The following POGLUT3 variants were observed in gnomAD, a reference collection of about 807,000 sequenced individuals.
The protein encoded by POGLUT3 is protein O-glucosyltransferase 3.
POGLUT3 carries 48 observed loss-of-function variants against 54.3 expected under a neutral mutation model. The ratio of observed to expected loss-of-function variants is 0.88; its 90% confidence interval spans 0.70 to 1.12. POGLUT3 has a LOEUF of 1.12. Among genes scored for constraint, POGLUT3 ranks in the 50% most tolerant of loss-of-function variants. The probability of loss-of-function intolerance (pLI) is 0.00; values close to 1 mark genes in which losing one functional copy is unlikely to be tolerated. For missense variants in POGLUT3, 629 were observed against 618.7 expected (o/e 1.02, Z -0.18); for synonymous variants, 218 against 237.4 (o/e 0.92, Z 0.75).
At position 108,474,726 on chromosome 11, in the gene POGLUT3, TAGTCCACTTGGTGC is replaced by T; in HGVS notation, c.*87_*100del. 2.9e-6 allele frequency: 4 copies of T among 1,367,856 alleles called. No individual in the cohort carries two copies. Among genetic ancestry groups the T allele is most frequent in the Non-Finnish European group, 4.0e-6 (4 of 990,030 alleles). The allele number at this position is 1,367,856 out of a possible 1,614,324, so 84.7% of individuals were successfully genotyped here. ...ACATATATAAAGCCACCGGGAGAAC[TAGTCCACTTGGTGC>T]AGTCTTCTATACTGTCCTTCACAGC... On this transcript the variant is annotated 3_prime_UTR_variant, in exon 8 of 8. Transcript: ENST00000323468.
chr11:108,476,604 A>G (rs1033312572), intron 7 of POGLUT3, among the ~76,000 whole-genome samples: 1 of 152,206 alleles, frequency 6.6e-6, no homozygotes, highest in East Asian at 1.9e-4. Context: ...AGGGAAATTT[A>G]CTTTTACTAT....
At chr11:108,477,838 G>C (rs1034781396) in intron 6 of POGLUT3, 127 bp from the exon 7 acceptor site, 1 of 690,290 alleles carries the variant, frequency 1.4e-6, no homozygotes, top group African/African-American at 1.8e-5. Flanking sequence ...GAACATAATG[G>C]AATTATAACT....
intron 2 of POGLUT3, among the ~76,000 whole-genome samples, chr11:108,489,941 A>AGT (rs1257828574): frequency 6.6e-6 from 1 of 152,154 alleles, no homozygotes; most frequent in Non-Finnish European, 1.5e-5. Flanking sequence ...GCCAGAGTGC[A>AGT]GTGGCACGAT....
rs1425360774 is a variant in POGLUT3 at position 108,472,744 on chromosome 11, T to G, written c.*2083A>C. ...CAGAAAGGTATGAGTTAGGCAACCT[T>G]TCTTGCCATAATCCCAGTTTTGACA... On this transcript the variant is annotated 3_prime_UTR_variant, in exon 8 of 8. Transcript: ENST00000323468. 4 of 152,362 alleles carry G rather than the reference T, an allele frequency of 2.6e-5. No homozygotes were observed. The highest frequency in any genetic ancestry group is 9.6e-5 in the African/African-American group (4 of 41,588). 9.4% of individuals were successfully genotyped at this position (152,362 alleles called of 1,614,324 possible).
intron 5 of POGLUT3, among the ~76,000 whole-genome samples, 178 bp downstream of exon 5, chr11:108,481,002 T>G (rs576877643): frequency 6.6e-6 from 1 of 152,256 alleles, no homozygotes; most frequent in South Asian, 2.1e-4. Flanking sequence ...TTTGGTAAAC[T>G]TAACAATGAA....
At position 108,479,294 on chromosome 11, in the gene POGLUT3, C is replaced by A; in HGVS notation, c.1293+7G>T. ...GCTTAAAGAAATAAAAATTGCTGGA[C>A]GCATACCTTAGCCCATTTAACTTTC... On this transcript the variant is annotated splice_region_variant and intron_variant, in intron 6 of 7. Transcript: ENST00000323468. 6.3e-7 allele frequency: 1 copy of A among 1,591,612 alleles called. No individual in the cohort carries two copies. Among genetic ancestry groups the A allele is most frequent in the Non-Finnish European group, 8.5e-7 (1 of 1,170,636 alleles).
At chr11:108,489,011 C>T (rs529953205) in intron 2 of POGLUT3, among the ~76,000 whole-genome samples, 26 of 152,212 alleles carry the variant, frequency 1.7e-4, no homozygotes, top group African/African-American at 6.3e-4. Context: ...AAAAGCAAAA[C>T]TTGGAAGGAT....
At chr11:108,497,544 G>A (rs2093624325) in intron 1 of POGLUT3, among the ~76,000 whole-genome samples, 2 of 152,200 alleles carry the variant, frequency 1.3e-5, no homozygotes, top group Non-Finnish European at 2.9e-5. Context: ...GTGGGAGGAG[G>A]ACCGGGCAGA....
chr11:108,491,723 C>T (rs1350464606), intron 1 of POGLUT3, among the ~76,000 whole-genome samples: 2 of 152,160 alleles, frequency 1.3e-5, no homozygotes, highest in East Asian at 1.9e-4. Context: ...TCAGACTCAA[C>T]ATTTGAATCA....
intron 3 of POGLUT3, among the ~76,000 whole-genome samples, chr11:108,484,592 C>G (rs990940674): frequency 2.0e-5 from 3 of 152,122 alleles, no homozygotes; most frequent in African/African-American, 4.8e-5. Context: ...AACCCCTTCT[C>G]TACTAAAAAA....
In POGLUT3 at chr11:108,476,080, G is replaced by A. The variant is rs1336436857; in HGVS notation, c.1399-1128C>T. Reference sequence around the variant, plus strand: ...AAGAATCGCTTGATCCTAGGAGGTTGAGGCTGCAGTAAGCTGTGATCATGC... The same window carrying A: ...AAGAATCGCTTGATCCTAGGAGGTTAAGGCTGCAGTAAGCTGTGATCATGC... On this transcript the variant is annotated intron_variant, in intron 7 of 7. Coordinates refer to ENST00000323468, the MANE Select transcript of POGLUT3 (RefSeq NM_153705.5). 2.0e-5 allele frequency among the ~76,000 whole-genome samples: 3 copies of A among 152,208 alleles called. No homozygotes were observed. The East Asian group carries it at 5.8e-4, about 29-fold the overall frequency.
intron 7 of POGLUT3, among the ~76,000 whole-genome samples, chr11:108,476,411 G>A (rs2135843791): frequency 6.6e-6 from 1 of 152,218 alleles, no homozygotes; most frequent in Non-Finnish European, 1.5e-5. Flanking sequence ...GGGATTACAG[G>A]TGTGAGCCAC....
Position 108,486,399 on chromosome 11 carries a change from G to GGCACTCAC in POGLUT3, c.441_442insGTGAGTGC (p.Gln148ValfsTer35). 6.2e-7 allele frequency: 1 copy of GGCACTCAC among 1,614,126 alleles called. No homozygotes were observed. The highest frequency in any genetic ancestry group is 8.5e-7 in the Non-Finnish European group (1 of 1,180,026). ...CAAGAAAGAGTCTTCTGCCAGGCCTGAGGATCTTCCGGACACTCACAGTAC... is the reference window on the plus strand; with the variant it reads ...CAAGAAAGAGTCTTCTGCCAGGCCTGGCACTCACAGGATCTTCCGGACACTCACAGTAC... On this transcript the variant is annotated frameshift_variant, in exon 3 of 8. Transcript: ENST00000323468. LOFTEE classifies it high-confidence loss of function.
chr11:108,495,539 T>C (rs1349757605), intron 1 of POGLUT3, among the ~76,000 whole-genome samples: 3 of 152,142 alleles, frequency 2.0e-5, no homozygotes, highest in Non-Finnish European at 2.9e-5. Context: ...TGTAAGAAAC[T>C]AGTTGGGTGA....
At position 108,473,322 on chromosome 11, in the gene POGLUT3, G is replaced by A. The variant is rs928531537; in HGVS notation, c.*1505C>T. On this transcript the variant is annotated 3_prime_UTR_variant, in exon 8 of 8. Transcript: ENST00000323468. ...TCCGCCCATCTCGGCCTGCCAAAGT[G>A]CTGGGATTACAGGCGTGAGCCACTG... is the stretch of plus-strand genomic sequence containing the variant. 1.3e-5 allele frequency: 2 copies of A among 152,318 alleles called. No individual in the cohort carries two copies. Among genetic ancestry groups the A allele is most frequent in the Non-Finnish European group, 2.9e-5 (2 of 68,116 alleles). The allele number at this position is 152,318 out of a possible 1,614,324, so 9.4% of individuals were successfully genotyped here. A position where few individuals can be genotyped will look rare whatever the true frequency, so the allele number is the denominator to read the frequency against.
At chr11:108,497,637 TCTG>T (rs1263539602) in intron 1 of POGLUT3, among the ~76,000 whole-genome samples, 2 of 152,352 alleles carry the variant, frequency 1.3e-5, no homozygotes, top group East Asian at 3.9e-4. Context: ...GTTCCTGTAA[TCTG>T]CTTTCAAAAA....
chr11:108,490,847 AG>A (rs1264044141), intron 2 of POGLUT3, 122 bp downstream of exon 2: 10 of 596,934 alleles, frequency 1.7e-5, no homozygotes, highest in Non-Finnish European at 2.9e-5. Context: ...ATTGAGCTCC[AG>A]GAGGTATGTA....
chr11:108,489,250 T>C (rs2093608947), intron 2 of POGLUT3, among the ~76,000 whole-genome samples: 1 of 152,128 alleles, frequency 6.6e-6, no homozygotes, highest in African/African-American at 2.4e-5. Context: ...TCAAGCCCAA[T>C]ATATGGGTAA....
intron 3 of POGLUT3, among the ~76,000 whole-genome samples, chr11:108,483,679 AT>A (rs2093597010): frequency 6.6e-6 from 1 of 151,750 alleles, no homozygotes; most frequent in Admixed American, 6.6e-5. Flanking sequence ...TATTATTATT[AT>A]TATTTTGAGA....
Sources: gnomAD v4.1 joint callset for allele counts (sites outside exome capture counted in the v4.1 genomes callset) on GRCh38, gnomAD v4.1.1 for gene constraint, MANE v1.5 for transcripts, NCBI Gene and HGNC (gene_info 2026-07-23, HGNC 2026-07-21) for gene names.